Variants in ENKUR observed in about 807,000 individuals in gnomAD.
The protein encoded by ENKUR is enkurin, TRPC channel interacting protein, also known as enkurin.
A neutral mutation model predicts 27.6 loss-of-function variants in ENKUR; 19 were observed. That is an observed-to-expected ratio of 0.69 (90% CI 0.48 to 1.01). ENKUR has a LOEUF of 1.01. Among genes scored for constraint, ENKUR ranks in the 50% least tolerant of loss-of-function variants. The probability of loss-of-function intolerance (pLI) is 0.00; values close to 1 mark genes in which losing one functional copy is unlikely to be tolerated. For synonymous variants in ENKUR, 117 were observed against 96.9 expected (o/e 1.21, Z -1.22); for missense variants, 312 against 310.5 (o/e 1.00, Z -0.04).
chr10:24,998,185 A>C (rs376363038), intron 2 of ENKUR, among the ~76,000 whole-genome samples: 18 of 152,192 alleles, frequency 1.2e-4, no homozygotes, highest in African/African-American at 4.1e-4. Context: ...TAAAATGTAC[A>C]TCGCTAGCCG....
At chr10:25,001,407 T>C (rs1226545409) in intron 1 of ENKUR, among the ~76,000 whole-genome samples, 1 of 152,166 alleles carries the variant, frequency 6.6e-6, no homozygotes, top group East Asian at 1.9e-4. Flanking sequence ...GATTCTTGGA[T>C]TTTTGGATTT....
At chr10:25,039,469 A>G (rs1851038678) in intron 2 of ENKUR, among the ~76,000 whole-genome samples, 1 of 152,022 alleles carries the variant, frequency 6.6e-6, no homozygotes, top group South Asian at 2.1e-4. Context: ...ACTCCTAGCT[A>G]CTCTGGAGAC....
intron 5 of ENKUR, 148 bp from the exon 6 acceptor site, chr10:24,984,524 T>C (rs1849737908): frequency 1.7e-6 from 2 of 1,193,194 alleles, no homozygotes; most frequent in Non-Finnish European, 2.3e-6. Context: ...TAATAGTTTA[T>C]ATGTGGAAAA....
intron 2 of ENKUR, among the ~76,000 whole-genome samples, chr10:25,043,093 C>A (rs139170540): frequency 6.6e-6 from 1 of 151,958 alleles, no homozygotes; most frequent in Non-Finnish European, 1.5e-5. Flanking sequence ...GAACAAGGCA[C>A]CAAAATTAGG....
At chr10:24,989,594 T>TA (rs1849882139) in intron 4 of ENKUR, among the ~76,000 whole-genome samples, 1 of 152,362 alleles carries the variant, frequency 6.6e-6, no homozygotes, top group East Asian at 1.9e-4. Flanking sequence ...GCAGATATTT[T>TA]AAAAAATCTT....
At position 24,984,166 on chromosome 10, in the gene ENKUR, C is replaced by T. The variant is rs1239631708; in HGVS notation, c.*204G>A. On this transcript the variant is annotated 3_prime_UTR_variant, in exon 6 of 6. Transcript: ENST00000331161. ...AATTTTTCTTCCTCCAAATAGAAGC[C>T]TTTCATCATATACAGTGTTACGAAT... 1.3e-5 allele frequency: 6 copies of T among 458,952 alleles called. No homozygotes were observed. The highest frequency in any genetic ancestry group is 1.2e-4 in the Admixed American group (3 of 24,532). 28.4% of individuals were successfully genotyped at this position (458,952 alleles called of 1,614,324 possible). A position where few individuals can be genotyped will look rare whatever the true frequency, so the allele number is the denominator to read the frequency against.
chr10:24,993,848 G>A (rs752382165), intron 3 of ENKUR, among the ~76,000 whole-genome samples: 29 of 152,204 alleles, frequency 1.9e-4, no homozygotes, highest in Non-Finnish European at 3.8e-4. Flanking sequence ...CCAGAAGGGA[G>A]GGGCAGAGTG....
At chr10:25,024,455 G>T in intron 2 of ENKUR, 1 of 1,614,102 alleles carries the variant, frequency 6.2e-7, no homozygotes, top group Non-Finnish European at 8.5e-7. Context: ...CCTGAGAATG[G>T]AGTAAGTGAT....
chr10:25,020,658 C>T (rs1332495288), upstream of ENKUR, among the ~76,000 whole-genome samples: 5 of 151,564 alleles, frequency 3.3e-5, no homozygotes. Context: ...GGAGGATCAC[C>T]TGAGCCCAGG....
intron 2 of ENKUR, among the ~76,000 whole-genome samples, chr10:25,040,371 ATTTT>A (rs370808163): frequency 2.2e-5 from 3 of 133,816 alleles, no homozygotes; most frequent in South Asian, 2.5e-4. Flanking sequence ...ATTAAATGGG[ATTTT>A]TTTTTTTTTT....
At chr10:25,010,565 G>A (rs527793994) in intron 1 of ENKUR, among the ~76,000 whole-genome samples, 77 of 151,608 alleles carry the variant, frequency 5.1e-4, no homozygotes, top group Admixed American at 1.7e-3. Context: ...TTTAGCATTA[G>A]GTATATCTCC....
chr10:25,009,599 G>A (rs1338329213), intron 1 of ENKUR, among the ~76,000 whole-genome samples: 1 of 152,130 alleles, frequency 6.6e-6, no homozygotes, highest in East Asian at 1.9e-4. Flanking sequence ...TAGTAGCCTA[G>A]CAAAGTACTT....
In ENKUR at chr10:24,994,129, C is replaced by T. The variant is rs532693629; in HGVS notation, c.447+1517G>A. The stretch of plus-strand genomic sequence containing the variant: ...CCTTGAGGGTCCTGTTTTGATTTTC[C>T]ACTGGCATTGGATTTATCATGGTAG... On this transcript the variant is annotated intron_variant, in intron 3 of 5. Transcript: ENST00000331161. Among the ~76,000 whole-genome samples, 3 of 152,204 alleles carry T rather than the reference C, an allele frequency of 2.0e-5. No homozygotes were observed. The East Asian group carries it at 5.8e-4, about 29-fold the overall frequency.
At chr10:25,024,317 G>T in intron 2 of ENKUR, 3 of 1,614,156 alleles carry the variant, frequency 1.9e-6, no homozygotes, top group Non-Finnish European at 2.5e-6. Context: ...TTTGCACACT[G>T]TATCCCACCA....
chr10:24,987,963 G>A (rs527245641), intron 4 of ENKUR, among the ~76,000 whole-genome samples: 4 of 152,130 alleles, frequency 2.6e-5, no homozygotes, highest in African/African-American at 9.6e-5. Flanking sequence ...GCTCACGCCT[G>A]TAATCCTAGC....
At chr10:25,042,847 C>CAAAA (rs71399947) in intron 2 of ENKUR, among the ~76,000 whole-genome samples, 1 of 138,184 alleles carries the variant, frequency 7.2e-6, no homozygotes. Flanking sequence ...GAGACTGTCT[C>CAAAA]AAAAAAAAAA....
intron 4 of ENKUR, among the ~76,000 whole-genome samples, chr10:24,988,067 C>CA (rs1247097142): frequency 2.0e-5 from 3 of 151,156 alleles, no homozygotes; most frequent in East Asian, 1.9e-4. Flanking sequence ...CTAAAAAATA[C>CA]AAAAAAATTA....
chr10:25,053,248 C>A lies in ENKUR; in HGVS notation c.37+7864G>T, dbSNP rs554917810. On this transcript the variant is annotated intron_variant, in intron 2 of 5. Transcript: ENST00000615958. ...TGTATACAAGGTGGAATGGTAAAATCAAGCGAATTAACATATCCATCACTC... is the reference window on the plus strand; with the variant it reads ...TGTATACAAGGTGGAATGGTAAAATAAAGCGAATTAACATATCCATCACTC... 1.2e-4 allele frequency among the ~76,000 whole-genome samples: 19 copies of A among 152,268 alleles called. No homozygotes were observed. In the East Asian group the frequency reaches 3.1e-3, roughly 25 times the overall value.
exon 2 of ENKUR, chr10:25,061,334 G>T: frequency 3.3e-6 from 2 of 599,478 alleles, no homozygotes; most frequent in Admixed American, 5.7e-5. Context: ...GCTCTGTTGG[G>T]TGCAGCTCCT....
Sources: allele counts gnomAD v4.1 joint callset (sites outside exome capture counted in the v4.1 genomes callset), GRCh38; gene constraint gnomAD v4.1.1; transcripts MANE v1.5; gene names NCBI Gene and HGNC (gene_info 2026-07-23, HGNC 2026-07-21).